Variants in EYS observed in about 807,000 individuals in gnomAD.
The protein encoded by EYS is protein eyes shut homolog.
Under a neutral mutation model 282.1 loss-of-function variants are expected in EYS, and 250 were observed. The observed-to-expected ratio is 0.89, with a 90% CI of 0.80 to 0.98. The LOEUF (loss-of-function observed/expected upper bound fraction) is 0.98, where lower values mean the gene tolerates loss of function less well. Among genes scored for constraint, EYS ranks in the 50% least tolerant of loss-of-function variants. The pLI is 0.00. For synonymous variants in EYS, 1,355 were observed against 1,282.9 expected, an observed-to-expected ratio of 1.06 and a Z score of -1.20; for missense variants, 4,016 against 3,709.0, an observed-to-expected ratio of 1.08 and a Z score of -2.15.
chr6:64,429,297 G>T (rs1183124662), intron 28 of EYS, among the ~76,000 whole-genome samples: 2 of 152,122 alleles, frequency 1.3e-5, no homozygotes, highest in African/African-American at 4.8e-5. Context: ...CCTAAAAGGT[G>T]ATTGGTAACC....
At chr6:64,660,702 G>C (rs972379550) in intron 22 of EYS, among the ~76,000 whole-genome samples, 11 of 152,252 alleles carry the variant, frequency 7.2e-5, no homozygotes, top group African/African-American at 1.2e-4. Flanking sequence ...ACCTCTTCAA[G>C]GAGAACTACA....
At chr6:64,225,952 T>C (rs867827018) in intron 31 of EYS, among the ~76,000 whole-genome samples, 22 of 152,172 alleles carry the variant, frequency 1.4e-4, no homozygotes, top group Admixed American at 6.6e-4. Flanking sequence ...CTAATAAATA[T>C]GCAGCATTGC....
At chr6:63,820,657 T>G (rs1192667555) in intron 36 of EYS, among the ~76,000 whole-genome samples, 4 of 152,196 alleles carry the variant, frequency 2.6e-5, no homozygotes, top group Non-Finnish European at 5.9e-5. Flanking sequence ...TTTCTTCCAG[T>G]GGAGAATAAG....
chr6:65,173,396 A>C (rs1765150210), intron 12 of EYS, among the ~76,000 whole-genome samples: 1 of 151,094 alleles, frequency 6.6e-6, no homozygotes, highest in South Asian at 2.1e-4. Context: ...TCAGAAGAAT[A>C]AAATATAAAT....
At chr6:64,412,302 G>A (rs1218429130) in intron 28 of EYS, among the ~76,000 whole-genome samples, 3 of 151,986 alleles carry the variant, frequency 2.0e-5, no homozygotes, top group African/African-American at 7.2e-5. Flanking sequence ...ACAAACTAGT[G>A]TAAGAAGTTT....
intron 31 of EYS, among the ~76,000 whole-genome samples, chr6:64,219,671 T>G (rs947773626): frequency 6.6e-6 from 1 of 152,200 alleles, no homozygotes; most frequent in African/African-American, 2.4e-5. Flanking sequence ...GTGTTCCTAT[T>G]TCTCCATATC....
At chr6:63,806,445 C>T in intron 36 of EYS, 73 bp from the exon 37 acceptor site, 1 of 1,273,704 alleles carries the variant, frequency 7.9e-7, no homozygotes, top group South Asian at 1.6e-5. Flanking sequence ...TTACGTTTTG[C>T]TGATGCATCT....
At chr6:64,184,889 G>C (rs977528529) in intron 31 of EYS, among the ~76,000 whole-genome samples, 2 of 139,290 alleles carry the variant, frequency 1.4e-5, no homozygotes, top group Admixed American at 7.3e-5. Context: ...CATTGCTATG[G>C]TCTGAATGTT....
At chr6:65,195,251 T>C (rs887490269) in intron 12 of EYS, among the ~76,000 whole-genome samples, 3 of 152,030 alleles carry the variant, frequency 2.0e-5, no homozygotes, top group East Asian at 1.9e-4. Context: ...GATGTATTAG[T>C]AGAGTTGTTT....
At chr6:64,752,877 A>C (rs1772807713) in intron 22 of EYS, among the ~76,000 whole-genome samples, 1 of 152,126 alleles carries the variant, frequency 6.6e-6, no homozygotes, top group East Asian at 1.9e-4. Flanking sequence ...CAAACTTAAA[A>C]ACCTAGAGAA....
At chr6:65,194,636 T>G (rs1470326064) in intron 12 of EYS, among the ~76,000 whole-genome samples, 1 of 151,946 alleles carries the variant, frequency 6.6e-6, no homozygotes, top group Admixed American at 6.6e-5. Context: ...CACTTTGTGT[T>G]AAGGCCTTTG....
chr6:64,563,034 A>C lies in EYS; in HGVS notation c.5644+27189T>G, dbSNP rs545849103. ...GACTTAATGGTTGTGAATAATGCAA[A>C]TATTTTACCTTTAAGTACATTCATT... On this transcript the variant is annotated intron_variant, in intron 26 of 42. Coordinates refer to ENST00000503581, the MANE Select transcript of EYS (RefSeq NM_001142800.2). Among the ~76,000 whole-genome samples the C allele has an allele frequency of 9.7e-4, 147 of 152,200 alleles. 2 individuals carry two copies. The Middle Eastern group carries it at 0.01, about 11-fold the overall frequency.
In EYS at chr6:65,405,219, T is replaced by C. The variant is rs544765237; in HGVS notation, c.1011A>G (p.Ser337=). The C allele has an allele frequency of 5.6e-6, 9 of 1,613,340 alleles. No individual in the cohort carries two copies. The Admixed American group carries it at 1.3e-4, about 24-fold the overall frequency. Residue 337 remains serine, a synonymous_variant, in exon 6 of 43, where the codon TCA becomes TCG. Coordinates refer to ENST00000503581, the MANE Select transcript of EYS (RefSeq NM_001142800.2). ...QNGETDVSEF[S]LVPCQNGTDC... is the part of the protein sequence containing the mutation. ...CAGTACCATTCTGACATGGTACTAA[T>C]GAAAACTCACTGACATCAGTTTCAC...
intron 33 of EYS, among the ~76,000 whole-genome samples, chr6:64,057,272 T>G (rs1294672966): frequency 6.6e-6 from 1 of 152,126 alleles, no homozygotes; most frequent in Non-Finnish European, 1.5e-5. Flanking sequence ...TGTAAAACAA[T>G]TTATATCAAC....
chr6:65,348,423 G>A (rs1770481224), intron 9 of EYS, among the ~76,000 whole-genome samples: 1 of 151,492 alleles, frequency 6.6e-6, no homozygotes, highest in South Asian at 2.1e-4. Flanking sequence ...GCACTAGGGT[G>A]AGATGACATC....
intron 1 of EYS, 131 bp downstream of exon 1, chr6:65,707,004 A>G (rs1222347996): frequency 6.6e-6 from 1 of 152,214 alleles, no homozygotes; most frequent in Non-Finnish European, 1.5e-5. Context: ...TTTATATATA[A>G]TAAGTAAAAA....
intron 13 of EYS, among the ~76,000 whole-genome samples, chr6:65,026,586 C>T (rs1300041670): frequency 2.0e-5 from 3 of 152,104 alleles, no homozygotes; most frequent in Non-Finnish European, 2.9e-5. Context: ...CCAAAGTCCA[C>T]CTAGCATTTT....
At chr6:64,544,959 G>C (rs532979799) in intron 26 of EYS, among the ~76,000 whole-genome samples, 6 of 152,144 alleles carry the variant, frequency 3.9e-5, no homozygotes, top group African/African-American at 1.2e-4. Context: ...GAGCTGGTAC[G>C]ATTCCTTCTG....
intron 22 of EYS, among the ~76,000 whole-genome samples, chr6:64,695,400 T>G (rs1254901883): frequency 1.3e-5 from 2 of 152,010 alleles, no homozygotes; most frequent in Non-Finnish European, 2.9e-5. Flanking sequence ...CTACCTTCAT[T>G]GCCCATTGCA....
Sources: allele counts gnomAD v4.1 joint callset (sites outside exome capture counted in the v4.1 genomes callset), GRCh38; gene constraint gnomAD v4.1.1; transcripts MANE v1.5; gene names NCBI Gene and HGNC (gene_info 2026-07-23, HGNC 2026-07-21).